The following LAMA3 variants were observed in gnomAD, a reference collection of about 807,000 sequenced individuals.
LAMA3 encodes the protein laminin subunit alpha-3.
LAMA3 carries 281 observed loss-of-function variants against 402.0 expected under a neutral mutation model. The ratio of observed to expected loss-of-function variants is 0.70; its 90% CI spans 0.63 to 0.77. The LOEUF is 0.77. LAMA3 is among the 30% of genes least tolerant of loss of function. The probability of loss-of-function intolerance (pLI) is 0.00; values close to 1 mark genes in which losing one functional copy is unlikely to be tolerated. For missense variants in LAMA3, 3,840 were observed against 4,215.5 expected (o/e 0.91, Z 2.47); for synonymous variants, 1,431 against 1,558.4 (o/e 0.92, Z 1.93).
intron 66 of LAMA3, 23 bp from the exon 67 acceptor site, chr18:23,933,759 T>C: frequency 6.2e-7 from 1 of 1,613,730 alleles, no homozygotes; most frequent in Non-Finnish European, 8.5e-7. Flanking sequence ...TGGCAGCATC[T>C]TTCATTTCTG....
At chr18:23,861,482 C>T (rs1444984935) in intron 34 of LAMA3, among the ~76,000 whole-genome samples, 164 bp from the exon 35 acceptor site, 3 of 152,168 alleles carry the variant, frequency 2.0e-5, no homozygotes, top group Non-Finnish European at 2.9e-5. Flanking sequence ...ATGGGTCAGA[C>T]GGGGCTCTGG....
chr18:23,794,739 T>C (rs566733919), intron 12 of LAMA3, among the ~76,000 whole-genome samples: 1 of 152,340 alleles, frequency 6.6e-6, no homozygotes, highest in South Asian at 2.1e-4. Context: ...GCAGGAGTTG[T>C]GCTTGTTGAA....
At chr18:23,836,852 G>T in intron 24 of LAMA3, 129 bp from the exon 25 acceptor site, 1 of 717,208 alleles carries the variant, frequency 1.4e-6, no homozygotes, top group Non-Finnish European at 2.5e-6. Flanking sequence ...TCATCATGCA[G>T]GAAAATTCAC....
In LAMA3 at chr18:23,881,477, T is replaced by C. The variant is rs148121041; in HGVS notation, c.5113-459T>C. 7.2e-5 allele frequency among the ~76,000 whole-genome samples: 11 copies of C among 152,344 alleles called. No individual in the cohort carries two copies. The East Asian group carries it at 1.5e-3, about 21-fold the overall frequency. On this transcript the variant is annotated intron_variant, in intron 39 of 74. Coordinates refer to ENST00000313654, the MANE Select transcript of LAMA3 (RefSeq NM_198129.4). ...GTGCTAAGGGGAAGAAAGAAAAGAA[T>C]TTACGTTTCCCAAGAGCTTAGTACA...
At chr18:23,851,097 C>T (rs1206789951) in intron 32 of LAMA3, among the ~76,000 whole-genome samples, 1 of 152,218 alleles carries the variant, frequency 6.6e-6, no homozygotes, top group Non-Finnish European at 1.5e-5. Flanking sequence ...AGAAGGGCTT[C>T]CAGCTAGGCA....
chr18:23,732,734 C>T (rs906310426), intron 2 of LAMA3, among the ~76,000 whole-genome samples: 5 of 152,064 alleles, frequency 3.3e-5, no homozygotes, highest in Admixed American at 2.0e-4. Context: ...TTGTTACCTA[C>T]TCACTGGGTA....
chr18:23,749,919 C>T (rs546757226), intron 4 of LAMA3, among the ~76,000 whole-genome samples: 1 of 152,262 alleles, frequency 6.6e-6, no homozygotes, highest in Non-Finnish European at 1.5e-5. Context: ...GGACAGGTGG[C>T]AGCAGGTAGA....
chr18:23,932,000 A>G (rs940807347), intron 65 of LAMA3, among the ~76,000 whole-genome samples, 160 bp from the exon 66 acceptor site: 1 of 152,176 alleles, frequency 6.6e-6, no homozygotes, highest in African/African-American at 2.4e-5. Flanking sequence ...AAGAAAATAC[A>G]TGAAAAAAGT....
rs759108812 is a variant in LAMA3 at position 23,943,930 on chromosome 18, A to G, written c.9169A>G (p.Ile3057Val). ...ALGTDGKKLRIKSKEKCNDGK... is the reference protein window; with the variant it reads ...ALGTDGKKLRVKSKEKCNDGK... ...GGGGACAGATGGGAAAAAATTGAGG[A>G]TCAAAAGCAAGGAGAAATGCAATGA... The change falls in exon 69 of 75, where the codon ATC becomes GTC. Residue 3057 changes from isoleucine (I) to valine (V), a missense_variant. Around this residue, in one of 3 missense-constraint regions of LAMA3, gnomAD observed 840 missense variants for 981.9 expected, o/e 0.86. Coordinates refer to ENST00000313654, the MANE Select transcript of LAMA3 (RefSeq NM_198129.4). The G allele has an allele frequency of 6.2e-7, 1 of 1,614,130 alleles. No individual in the cohort carries two copies. Among genetic ancestry groups the G allele is most frequent in the South Asian group, 1.1e-5 (1 of 91,074 alleles).
At chr18:23,894,146 T>A (rs954471004) in intron 42 of LAMA3, 152 bp from the exon 43 acceptor site, 7 of 665,964 alleles carry the variant, frequency 1.1e-5, no homozygotes, top group Non-Finnish European at 1.6e-5. Flanking sequence ...TAATTGTGGG[T>A]TTTGCCATTA....
chr18:23,919,605 A>G (rs971021283), intron 60 of LAMA3, among the ~76,000 whole-genome samples: 4 of 152,214 alleles, frequency 2.6e-5, no homozygotes, highest in African/African-American at 9.6e-5. Flanking sequence ...TGAGATCAGG[A>G]GGACAGCATT....
intron 32 of LAMA3, among the ~76,000 whole-genome samples, chr18:23,850,689 C>T (rs1004677382): frequency 6.6e-6 from 1 of 152,184 alleles, no homozygotes; most frequent in African/African-American, 2.4e-5. Flanking sequence ...CACAACAAGA[C>T]AGCACATATA....
chr18:23,939,664 A>C (rs773886053), intron 68 of LAMA3, among the ~76,000 whole-genome samples: 1 of 152,242 alleles, frequency 6.6e-6, no homozygotes, highest in Non-Finnish European at 1.5e-5. Context: ...TCTAAAAATA[A>C]GGATGACATT....
At chr18:23,744,391 G>A (rs2061612015) in intron 2 of LAMA3, among the ~76,000 whole-genome samples, 1 of 152,192 alleles carries the variant, frequency 6.6e-6, no homozygotes, top group African/African-American at 2.4e-5. Flanking sequence ...ACATTGAAAA[G>A]TGGCATGTTC....
chr18:23,758,504 G>A lies in LAMA3; in HGVS notation c.1056G>A (p.Glu352=), dbSNP rs561783916. 2.5e-6 allele frequency: 4 copies of A among 1,613,388 alleles called. No individual in the cohort carries two copies. The highest frequency in any genetic ancestry group is 1.1e-5 in the South Asian group (1 of 91,058). The change falls in exon 7 of 75, where the codon GAG becomes GAA. Residue 352 remains glutamate, a synonymous_variant. Transcript: ENST00000313654. The stretch of plus-strand genomic sequence containing the variant: ...CCGCCGCTTGGGAGCAGAGCCACGA[G>A]TGTGAAGGTGGGTGTGGGGATGGGG... The part of the protein sequence containing the change: ...WRPAAWEQSH[E]CEACNCHGHA...
At chr18:23,857,823 C>G in intron 32 of LAMA3, 21 bp from the exon 33 acceptor site, 1 of 1,614,206 alleles carries the variant, frequency 6.2e-7, no homozygotes, top group Non-Finnish European at 8.5e-7. Flanking sequence ...ATGATTTTTG[C>G]TTCCTTTACT....
chr18:23,840,377 C>CTTTTTTTTTTTTTTTTTTTTTTT lies in LAMA3; in HGVS notation c.3336+451_3336+452insTTTTTTTTTTTTTTTTTTTTTTT, dbSNP rs201657216. Among the ~76,000 whole-genome samples, 4 of 79,514 alleles carry CTTTTTTTTTTTTTTTTTTTTTTT rather than the reference C, an allele frequency of 5.0e-5. 2 individuals carry two copies. The highest frequency in any genetic ancestry group is 1.2e-4 in the African/African-American group (2 of 17,258). The allele number at this position is 79,514 out of a possible 152,430, so 52.2% of individuals were successfully genotyped here. A position where few individuals can be genotyped will look rare whatever the true frequency, so the allele number is the denominator to read the frequency against. ...ATAGTTATTGTAGCCAAGAACCTTT[C>CTTTTTTTTTTTTTTTTTTTTTTT]TTTCTTTTTTTTTTTTTTTTTTTGA... On this transcript the variant is annotated intron_variant, in intron 27 of 74. Coordinates refer to ENST00000313654, the MANE Select transcript of LAMA3 (RefSeq NM_198129.4).
intron 9 of LAMA3, among the ~76,000 whole-genome samples, chr18:23,774,882 T>C (rs947594715): frequency 6.6e-6 from 1 of 152,230 alleles, no homozygotes; most frequent in African/African-American, 2.4e-5. Flanking sequence ...TCACCTGTCT[T>C]GTGCCTACAA....
At chr18:23,803,225 CA>C (rs1418603699) in intron 12 of LAMA3, among the ~76,000 whole-genome samples, 4 of 152,168 alleles carry the variant, frequency 2.6e-5, no homozygotes, top group Non-Finnish European at 5.9e-5. Flanking sequence ...TAGGACAGTT[CA>C]AAGTAATTAA....
Sources: gnomAD v4.1 joint callset for allele counts (sites outside exome capture counted in the v4.1 genomes callset) on GRCh38, gnomAD v4.1.1 for gene constraint, gnomAD v4.1.1 regional missense constraint, MANE v1.5 for transcripts, NCBI Gene and HGNC (gene_info 2026-07-23, HGNC 2026-07-21) for gene names.